Variants in CYRIA observed in about 807,000 individuals in gnomAD.
CYRIA encodes the protein CYFIP related Rac1 interactor A, also known as CYFIP-related Rac1 interactor A.
A neutral mutation model predicts 43.9 loss-of-function variants in CYRIA; 15 were observed. The observed-to-expected ratio is 0.34, with a 90% confidence interval of 0.23 to 0.53. The LOEUF (loss-of-function observed/expected upper bound fraction) is 0.53, where lower values mean the gene tolerates loss of function less well. Ranked by LOEUF, CYRIA falls within the 20% of genes least tolerant of loss-of-function variation. The probability of loss-of-function intolerance (pLI) is 0.94; values close to 1 mark genes in which losing one functional copy is unlikely to be tolerated. For synonymous variants in CYRIA, 117 were observed against 136.0 expected (o/e 0.86, Z 0.97); for missense variants, 236 against 394.2 (o/e 0.60, Z 3.40).
intron 1 of CYRIA, among the ~76,000 whole-genome samples, chr2:16,629,529 C>A (rs1359650730): frequency 6.6e-6 from 1 of 152,106 alleles, no homozygotes; most frequent in East Asian, 1.9e-4. Context: ...CCGTTTCTGG[C>A]GTATGTTTAA....
At chr2:16,585,297 C>T (rs1459272410) in intron 3 of CYRIA, among the ~76,000 whole-genome samples, 11 of 152,024 alleles carry the variant, frequency 7.2e-5, no homozygotes, top group Admixed American at 5.9e-4. Context: ...AGGGACAGAA[C>T]GATTGCTGTA....
intron 3 of CYRIA, among the ~76,000 whole-genome samples, chr2:16,570,319 C>A (rs1441206254): frequency 2.0e-5 from 3 of 152,126 alleles, no homozygotes; most frequent in Admixed American, 6.5e-5. Flanking sequence ...ATTGGCCATC[C>A]ACTCTTTCAT....
At chr2:16,622,209 G>A (rs1231201742) in intron 2 of CYRIA, among the ~76,000 whole-genome samples, 2 of 152,154 alleles carry the variant, frequency 1.3e-5, no homozygotes, top group Non-Finnish European at 2.9e-5. Flanking sequence ...GCCACCGGGA[G>A]GGAATTAGTT....
chr2:16,563,292 G>A (rs938747322), intron 5 of CYRIA, among the ~76,000 whole-genome samples: 4 of 152,082 alleles, frequency 2.6e-5, no homozygotes, highest in Admixed American at 6.5e-5. Flanking sequence ...ACTTCCCTTC[G>A]TCTCAGCTTC....
intron 10 of CYRIA, 22 bp from the exon 11 acceptor site, chr2:16,555,161 T>C (rs1666460660): frequency 2.5e-6 from 4 of 1,601,412 alleles, no homozygotes; most frequent in Non-Finnish European, 3.4e-6. Flanking sequence ...AAGCACAATG[T>C]TTGTTAATAT....
In CYRIA at chr2:16,552,813, T is replaced by C. The variant is rs918012448; in HGVS notation, c.*123A>G. Reference sequence around the variant, plus strand: ...CAGGATACAAATTAAGGTCCATATATTTCAGTGACAAGAAGGAAACGGTTA... The same window carrying C: ...CAGGATACAAATTAAGGTCCATATACTTCAGTGACAAGAAGGAAACGGTTA... On this transcript the variant is annotated 3_prime_UTR_variant, in exon 12 of 12. Coordinates refer to ENST00000381323, the MANE Select transcript of CYRIA (RefSeq NM_030797.4). 1.2e-5 allele frequency: 8 copies of C among 676,506 alleles called. No homozygotes were observed. Among genetic ancestry groups the C allele is most frequent in the African/African-American group, 7.2e-5 (4 of 55,646 alleles). 41.9% of individuals were successfully genotyped at this position (676,506 alleles called of 1,614,324 possible).
chr2:16,582,256 T>C (rs974901573), intron 3 of CYRIA, among the ~76,000 whole-genome samples: 3 of 152,210 alleles, frequency 2.0e-5, no homozygotes, highest in Non-Finnish European at 4.4e-5. Flanking sequence ...TAATATATTC[T>C]GTGATGACGG....
At chr2:16,656,083 C>T (rs1670103405) in intron 1 of CYRIA, among the ~76,000 whole-genome samples, 1 of 152,188 alleles carries the variant, frequency 6.6e-6, no homozygotes, top group Non-Finnish European at 1.5e-5. Context: ...GAGCCTTGTC[C>T]AGAGAGTGCC....
intron 2 of CYRIA, among the ~76,000 whole-genome samples, chr2:16,593,687 TG>T (rs1309536539): frequency 7.9e-6 from 1 of 126,882 alleles, no homozygotes; most frequent in African/African-American, 3.4e-5. Flanking sequence ...TTTATTTTTT[TG>T]TGTGTGTGTG....
In CYRIA at chr2:16,552,520, A is replaced by G. The variant is rs190112266; in HGVS notation, c.*416T>C. 6.4e-6 allele frequency: 1 copy of G among 156,112 alleles called. No individual in the cohort carries two copies. Among genetic ancestry groups the G allele is most frequent in the East Asian group, 1.9e-4 (1 of 5,294 alleles). 9.7% of individuals were successfully genotyped at this position (156,112 alleles called of 1,614,324 possible). On this transcript the variant is annotated 3_prime_UTR_variant, in exon 12 of 12. Transcript: ENST00000381323. ...TGGATTCCTCTCTTCCTCTGTCAAG[A>G]TAACAGTTGTGTTTCTTGTAGCTGA...
chr2:16,606,730 C>T (rs1258122461), intron 2 of CYRIA, among the ~76,000 whole-genome samples: 1 of 152,000 alleles, frequency 6.6e-6, no homozygotes, highest in African/African-American at 2.4e-5. Flanking sequence ...TGAAAATGGT[C>T]CTTCTGGGAA....
chr2:16,662,773 C>T (rs1017633318), intron 1 of CYRIA, among the ~76,000 whole-genome samples: 4 of 152,244 alleles, frequency 2.6e-5, no homozygotes, highest in African/African-American at 9.6e-5. Flanking sequence ...CCCCAAAGCA[C>T]AAATCACCTG....
At chr2:16,587,977 T>G in intron 3 of CYRIA, 73 bp downstream of exon 3, 1 of 925,908 alleles carries the variant, frequency 1.1e-6, no homozygotes, top group South Asian at 1.6e-5. Flanking sequence ...TAAATATTTA[T>G]GTTATAACTT....
intron 3 of CYRIA, among the ~76,000 whole-genome samples, chr2:16,580,961 C>A (rs1007442370): frequency 2.0e-5 from 3 of 152,124 alleles, no homozygotes; most frequent in African/African-American, 7.2e-5. Context: ...AGTTGAAGAT[C>A]AGTCACTGAT....
chr2:16,623,798 C>A (rs974116453), intron 2 of CYRIA, 66 bp downstream of exon 2: 3 of 152,238 alleles, frequency 2.0e-5, no homozygotes, highest in Admixed American at 1.3e-4. Context: ...ATACGACATA[C>A]TTCCTGCAGT....
At chr2:16,662,092 G>C (rs964262439) in intron 1 of CYRIA, among the ~76,000 whole-genome samples, 18 of 152,148 alleles carry the variant, frequency 1.2e-4, no homozygotes, top group Admixed American at 3.3e-4. Context: ...GAGTGTTGGT[G>C]ATTCGTGCAT....
chr2:16,614,758 G>A (rs926746441), intron 2 of CYRIA, among the ~76,000 whole-genome samples: 9 of 152,184 alleles, frequency 5.9e-5, no homozygotes, highest in South Asian at 2.1e-4. Flanking sequence ...AGAGACACCC[G>A]GTCACCTGCC....
At chr2:16,559,397 A>T in intron 10 of CYRIA, 63 bp downstream of exon 10, 3 of 1,569,992 alleles carry the variant, frequency 1.9e-6, no homozygotes, top group Non-Finnish European at 2.6e-6. Context: ...TGAGGAAGAA[A>T]AACAAGGTCT....
intron 9 of CYRIA, among the ~76,000 whole-genome samples, chr2:16,559,974 G>T (rs1024859585): frequency 6.6e-6 from 1 of 152,188 alleles, no homozygotes; most frequent in African/African-American, 2.4e-5. Flanking sequence ...CTACGGAGCA[G>T]CTATCATGTC....
Sources: gnomAD v4.1 joint callset for allele counts (sites outside exome capture counted in the v4.1 genomes callset) on GRCh38, gnomAD v4.1.1 for gene constraint, MANE v1.5 for transcripts, NCBI Gene and HGNC (gene_info 2026-07-23, HGNC 2026-07-21) for gene names.